PPP6R3: variants seen among roughly 807,000 people sequenced by gnomAD.
The protein encoded by PPP6R3 is protein phosphatase 6 regulatory subunit 3.
A neutral mutation model predicts 110.7 loss-of-function variants in PPP6R3; 38 were observed. The observed-to-expected ratio is 0.34, with a 90% CI of 0.26 to 0.45. The LOEUF (loss-of-function observed/expected upper bound fraction) is 0.45. Ranked by LOEUF, PPP6R3 falls within the 20% of genes least tolerant of loss-of-function variation. The pLI is 1.00. For synonymous variants in PPP6R3, 369 were observed against 373.5 expected (o/e 0.99, Z 0.14); for missense variants, 870 against 1,062.4 (o/e 0.82, Z 2.52).
At chr11:68,587,585 T>TA in intron 15 of PPP6R3, 1 of 359,848 alleles carries the variant, frequency 2.8e-6, no homozygotes, top group Non-Finnish European at 5.3e-6. Context: ...AGGTGACTGA[T>TA]ACACCTTATA....
At chr11:68,503,095 C>T (rs1461418657) in intron 1 of PPP6R3, among the ~76,000 whole-genome samples, 1 of 151,294 alleles carries the variant, frequency 6.6e-6, no homozygotes, top group Non-Finnish European at 1.5e-5. Flanking sequence ...AGGCGCACAC[C>T]ACCACGCCTG....
chr11:68,592,497 G>A (rs907023596), intron 18 of PPP6R3, among the ~76,000 whole-genome samples: 2 of 152,090 alleles, frequency 1.3e-5, no homozygotes, highest in Non-Finnish European at 2.9e-5. Context: ...ATCACCTCTC[G>A]CTGCCAGTTA....
chr11:68,510,054 C>CT (rs372113258), intron 1 of PPP6R3, among the ~76,000 whole-genome samples: 65,302 of 76,892 alleles, frequency 0.85, 28,411 homozygotes, highest in South Asian at 0.9. Context: ...TGTGCTCGGC[C>CT]TTTTTTTTTT....
chr11:68,551,738 C>T (rs1007077141), intron 6 of PPP6R3, among the ~76,000 whole-genome samples: 8 of 152,250 alleles, frequency 5.3e-5, no homozygotes, highest in South Asian at 4.1e-4. Flanking sequence ...CCACCAGCCT[C>T]GGCCTCCCAA....
At position 68,519,654 on chromosome 11, in the gene PPP6R3, A is replaced by G; in HGVS notation, c.-7+3A>G. 1 of 398,576 alleles carries G rather than the reference A, an allele frequency of 2.5e-6. No homozygotes were observed. Among genetic ancestry groups the G allele is most frequent in the Non-Finnish European group, 4.4e-6 (1 of 226,028 alleles). The allele number at this position is 398,576 out of a possible 1,614,324, so 24.7% of individuals were successfully genotyped here. On this transcript the variant is annotated splice_donor_region_variant and intron_variant, in intron 2 of 23. Coordinates refer to ENST00000393800, the MANE Select transcript of PPP6R3 (RefSeq NM_001164161.2). ...AATTTTTAAACTTGGTTTGAAAGGT[A>G]AGACCATTACGATTAGCAGGAGTTT...
At chr11:68,609,646 G>C in intron 22 of PPP6R3, 1 of 1,554,000 alleles carries the variant, frequency 6.4e-7, no homozygotes, top group South Asian at 1.2e-5. Flanking sequence ...CAGTGTTATG[G>C]GACCGTTCTT....
intron 13 of PPP6R3, among the ~76,000 whole-genome samples, chr11:68,574,789 C>A (rs1048449805): frequency 7.2e-5 from 11 of 152,118 alleles, no homozygotes; most frequent in African/African-American, 2.7e-4. Context: ...TTACACTGGC[C>A]CCAAGCCATG....
In PPP6R3 at chr11:68,615,226, T is replaced by A. The variant is rs1453415845; in HGVS notation, c.*2109T>A. The A allele has an allele frequency of 5.2e-6, 2 of 383,860 alleles. No homozygotes were observed. The highest frequency in any genetic ancestry group is 4.2e-5 in the African/African-American group (2 of 47,724). 23.8% of individuals were successfully genotyped at this position (383,860 alleles called of 1,614,324 possible). A position where few individuals can be genotyped will look rare whatever the true frequency, so the allele number is the denominator to read the frequency against. On this transcript the variant is annotated 3_prime_UTR_variant, in exon 24 of 24. Coordinates refer to ENST00000393800, the MANE Select transcript of PPP6R3 (RefSeq NM_001164161.2). ...GTGTGCCCTCATTTTGTTTCTACTTTTAATTTCTGTGTGTTGGCCATACTG... is the reference window on the plus strand; with the variant it reads ...GTGTGCCCTCATTTTGTTTCTACTTATAATTTCTGTGTGTTGGCCATACTG...
intron 20 of PPP6R3, 118 bp from the exon 21 acceptor site, chr11:68,601,745 C>A: frequency 1.3e-6 from 1 of 777,564 alleles, no homozygotes; most frequent in Non-Finnish European, 2.1e-6. Context: ...CCCAGTGACT[C>A]TTACACAGAT....
intron 1 of PPP6R3, among the ~76,000 whole-genome samples, chr11:68,505,868 T>G (rs1375636756): frequency 6.6e-6 from 1 of 152,126 alleles, no homozygotes; most frequent in African/African-American, 2.4e-5. Flanking sequence ...CAAGTATGAC[T>G]AGAATTGCCA....
chr11:68,520,930 C>T (rs1268001832), intron 2 of PPP6R3, among the ~76,000 whole-genome samples: 2 of 152,104 alleles, frequency 1.3e-5, no homozygotes, highest in Admixed American at 6.5e-5. Flanking sequence ...CACCACCACG[C>T]CCGGCTAATT....
intron 1 of PPP6R3, among the ~76,000 whole-genome samples, chr11:68,464,179 C>G (rs2098729015): frequency 6.6e-6 from 1 of 152,206 alleles, no homozygotes; most frequent in Non-Finnish European, 1.5e-5. Context: ...GTCGCCCAGG[C>G]TGGAGTGTGG....
chr11:68,599,057 A>G (rs2099622576), intron 19 of PPP6R3, among the ~76,000 whole-genome samples: 1 of 152,220 alleles, frequency 6.6e-6, no homozygotes, highest in Admixed American at 6.5e-5. Flanking sequence ...GTCACAGTCA[A>G]GTCTGTCTTT....
At chr11:68,569,007 G>A (rs2099491254) in intron 10 of PPP6R3, among the ~76,000 whole-genome samples, 3 of 152,044 alleles carry the variant, frequency 2.0e-5, no homozygotes, top group South Asian at 4.2e-4. Flanking sequence ...TGATCCGCCC[G>A]CCTCGGCCTC....
chr11:68,555,657 C>T (rs1001716753), intron 7 of PPP6R3, among the ~76,000 whole-genome samples: 3 of 152,212 alleles, frequency 2.0e-5, no homozygotes, highest in African/African-American at 7.2e-5. Flanking sequence ...AACCTAGCCA[C>T]CAGAGCCCAT....
At chr11:68,558,007 T>A (rs2099406031) in intron 7 of PPP6R3, among the ~76,000 whole-genome samples, 1 of 152,262 alleles carries the variant, frequency 6.6e-6, no homozygotes, top group Non-Finnish European at 1.5e-5. Context: ...TCACATTTAT[T>A]TCATTGCTGC....
In PPP6R3 at chr11:68,537,836, G is replaced by T; in HGVS notation, c.172G>T (p.Val58Phe). ...LLKAECLEDL[V>F]SFIIEEPPQD... Reference sequence around the variant, plus strand: ...AAAAGCAGAATGTCTCGAAGATTTAGTCTCATTCATTATAGAAGAACCACC... The same window carrying T: ...AAAAGCAGAATGTCTCGAAGATTTATTCTCATTCATTATAGAAGAACCACC... The change falls in exon 3 of 24, where the codon GTC (valine) becomes TTC (phenylalanine). Residue 58 changes from valine (V) to phenylalanine (F), a missense_variant. Transcript: ENST00000393800. 1 of 1,614,070 alleles carries T rather than the reference G, an allele frequency of 6.2e-7. No homozygotes were observed.
chr11:68,591,523 A>T (rs1380688207), intron 17 of PPP6R3, 53 bp from the exon 18 acceptor site: 16 of 1,493,504 alleles, frequency 1.1e-5, no homozygotes, highest in Non-Finnish European at 1.4e-5. Context: ...TTAAGAGAAG[A>T]TAACTTGACT....
At chr11:68,497,883 C>T (rs2099027074) in intron 1 of PPP6R3, among the ~76,000 whole-genome samples, 1 of 151,964 alleles carries the variant, frequency 6.6e-6, no homozygotes, top group African/African-American at 2.4e-5. Flanking sequence ...TTTTGATTGC[C>T]TCATTTTTAA....
Sources: allele counts gnomAD v4.1 joint callset (sites outside exome capture counted in the v4.1 genomes callset), GRCh38; gene constraint gnomAD v4.1.1; transcripts MANE v1.5; gene names NCBI Gene and HGNC (gene_info 2026-07-23, HGNC 2026-07-21).